The following TCF4 variants were observed in gnomAD, a reference collection of about 807,000 sequenced individuals.
TCF4 encodes the protein transcription factor 4.
TCF4 carries 3 observed loss-of-function variants against 82.1 expected under a neutral mutation model. That is an observed-to-expected ratio of 0.04 (90% CI 0.02 to 0.09). The LOEUF is 0.09. TCF4 is among the 10% of genes least tolerant of loss of function. The pLI is 1.00. For synonymous variants in TCF4, 276 were observed against 309.6 expected, an observed-to-expected ratio of 0.89 and a Z score of 1.14; for missense variants, 518 against 852.7, an observed-to-expected ratio of 0.61 and a Z score of 4.89.
chr18:55,351,345 A>G (rs2082270496), intron 6 of TCF4: 1 of 273,092 alleles, frequency 3.7e-6, no homozygotes, highest in African/African-American at 2.3e-5. Context: ...ATATCTGGGA[A>G]CTATTCATCC....
intron 3 of TCF4, among the ~76,000 whole-genome samples, chr18:55,489,920 C>T (rs1687499907): frequency 6.6e-6 from 1 of 152,196 alleles, no homozygotes; most frequent in South Asian, 2.1e-4. Context: ...TCAATCAGAC[C>T]ACATTCAAAG....
chr18:55,516,101 G>A (rs1208039653), intron 3 of TCF4, among the ~76,000 whole-genome samples: 3 of 152,160 alleles, frequency 2.0e-5, no homozygotes, highest in Non-Finnish European at 2.9e-5. Context: ...AAAGGTGTGT[G>A]TAACAGCGAT....
At position 55,295,813 on chromosome 18, in the gene TCF4, C is replaced by T. The variant is rs2066351767; in HGVS notation, c.550-16157G>A. Among the ~76,000 whole-genome samples the T allele has an allele frequency of 3.3e-5, 5 of 152,254 alleles. No homozygotes were observed. The South Asian group carries it at 1.0e-3, about 32-fold the overall frequency. ...CTCACCCCTGCTTCCAGTTATAACC[C>T]TTGCATTTTGCCAGCTTAATTCCCA... On this transcript the variant is annotated intron_variant, in intron 8 of 19. Coordinates refer to ENST00000354452, the MANE Select transcript of TCF4 (RefSeq NM_001083962.2).
intron 6 of TCF4, among the ~76,000 whole-genome samples, chr18:55,371,302 G>A (rs1445849897): frequency 2.0e-5 from 3 of 152,198 alleles, no homozygotes; most frequent in African/African-American, 4.8e-5. Flanking sequence ...TAATCTGGAT[G>A]AGGGGGCCAT....
intron 3 of TCF4, among the ~76,000 whole-genome samples, chr18:55,489,231 G>A (rs2096550063): frequency 6.6e-6 from 1 of 152,134 alleles, no homozygotes; most frequent in South Asian, 2.1e-4. Context: ...ACATATTCCT[G>A]GGTAGCTCCA....
At chr18:55,286,696 A>C (rs1235564347) in intron 8 of TCF4, among the ~76,000 whole-genome samples, 1 of 152,242 alleles carries the variant, frequency 6.6e-6, no homozygotes, top group Non-Finnish European at 1.5e-5. Context: ...GCAAACAACC[A>C]AAAACCAAAC....
chr18:55,317,057 G>A (rs1268173521), intron 8 of TCF4, among the ~76,000 whole-genome samples: 3 of 151,966 alleles, frequency 2.0e-5, no homozygotes, highest in African/African-American at 7.2e-5. Context: ...TAGCCACAAT[G>A]TCAAGATTAA....
rs2097645728 is a variant in TCF4 at position 55,586,153 on chromosome 18, G to GAGCAGGAGC, written c.73-802_73-801insGCTCCTGCT. 3.7e-5 allele frequency: 26 copies of GAGCAGGAGC among 708,136 alleles called. No individual in the cohort carries two copies. In the South Asian group the frequency reaches 4.4e-4, roughly 12 times the overall value. The allele number at this position is 708,136 out of a possible 1,614,324, so 43.9% of individuals were successfully genotyped here. On this transcript the variant is annotated intron_variant, in intron 2 of 19. Coordinates refer to ENST00000354452, the MANE Select transcript of TCF4 (RefSeq NM_001083962.2). ...GGAGGAGAAGGAGGAGGAGGAGGAGGAGCAGCAGCAGCAGCAGCAGCAGCA... is the reference window on the plus strand; with the variant it reads ...GGAGGAGAAGGAGGAGGAGGAGGAGGAGCAGGAGCAGCAGCAGCAGCAGCAGCAGCAGCA...
chr18:55,234,044 T>A (rs529870565), intron 16 of TCF4, among the ~76,000 whole-genome samples: 35 of 152,080 alleles, frequency 2.3e-4, no homozygotes, highest in Admixed American at 3.9e-4. Flanking sequence ...CCCAACTTCC[T>A]GGGGTCATGA....
At chr18:55,277,729 T>C (rs1315420222) in intron 9 of TCF4, among the ~76,000 whole-genome samples, 2 of 152,072 alleles carry the variant, frequency 1.3e-5, no homozygotes, top group Admixed American at 6.6e-5. Flanking sequence ...TCCTGCAATG[T>C]GCACCCTTCC....
chr18:55,347,555 G>C (rs553274882), intron 8 of TCF4, among the ~76,000 whole-genome samples: 1 of 152,194 alleles, frequency 6.6e-6, no homozygotes, highest in South Asian at 2.1e-4. Flanking sequence ...CATGATGTCT[G>C]GCCAGGCCTA....
intron 5 of TCF4, among the ~76,000 whole-genome samples, chr18:55,449,829 A>T: frequency 6.6e-6 from 1 of 152,022 alleles, no homozygotes; most frequent in East Asian, 1.9e-4. Flanking sequence ...CACACTTTCT[A>T]TTTTCATTCA....
chr18:55,380,218 T>A (rs1273351809), intron 6 of TCF4, among the ~76,000 whole-genome samples: 2 of 152,102 alleles, frequency 1.3e-5, no homozygotes, highest in Admixed American at 1.3e-4. Context: ...TCTCGTGGTA[T>A]CCTCACATGG....
chr18:55,438,821 GAGA>G (rs149016738), intron 5 of TCF4, among the ~76,000 whole-genome samples: 4,798 of 152,296 alleles, frequency 0.032, 97 homozygotes, highest in Non-Finnish European at 0.048. Context: ...ATCTGAAGGT[GAGA>G]AGAAGGGACC....
At chr18:55,623,519 T>C (rs1277063901) in intron 2 of TCF4, among the ~76,000 whole-genome samples, 1 of 152,238 alleles carries the variant, frequency 6.6e-6, no homozygotes, top group East Asian at 1.9e-4. Context: ...ATGAATTTTA[T>C]TACATCACAA....
At chr18:55,387,903 G>A (rs1372631637) in intron 6 of TCF4, among the ~76,000 whole-genome samples, 3 of 152,176 alleles carry the variant, frequency 2.0e-5, no homozygotes, top group South Asian at 2.1e-4. Flanking sequence ...GAAAACTTCC[G>A]TGTTACAGGC....
rs548084692 is a variant in TCF4, at chr18:55,535,276, C to T, written c.145+50004G>A. Reference sequence around the variant, plus strand: ...TCATGAGTTAGCAAACTCTTAGCAGCGGACTCAGCCTATGAAGATATAAGG... The same window carrying T: ...TCATGAGTTAGCAAACTCTTAGCAGTGGACTCAGCCTATGAAGATATAAGG... On this transcript the variant is annotated intron_variant, in intron 3 of 19. Transcript: ENST00000354452. 4.1e-4 allele frequency among the ~76,000 whole-genome samples: 62 copies of T among 152,242 alleles called. 1 individual carries two copies. Among genetic ancestry groups the T allele is most frequent in the African/African-American group, 1.4e-3 (59 of 41,544 alleles).
rs1417302870 is a variant in TCF4 at position 55,225,797 on chromosome 18, A to G, written c.*2238T>C. 1 of 152,556 alleles carries G rather than the reference A, an allele frequency of 6.6e-6. No homozygotes were observed. The highest frequency in any genetic ancestry group is 1.5e-5 in the Non-Finnish European group (1 of 67,992). The allele number at this position is 152,556 out of a possible 1,614,324, so 9.5% of individuals were successfully genotyped here. ...TCTCCTAAGGTTTTAATCCACCTCC[A>G]CATTTTAGGAACTTATCAACAAATC... On this transcript the variant is annotated 3_prime_UTR_variant, in exon 20 of 20. Coordinates refer to ENST00000354452, the MANE Select transcript of TCF4 (RefSeq NM_001083962.2).
chr18:55,575,845 A>G (rs1372280814), intron 3 of TCF4, among the ~76,000 whole-genome samples: 1 of 152,188 alleles, frequency 6.6e-6, no homozygotes, highest in African/African-American at 2.4e-5. Context: ...GCCACTTCAC[A>G]ATGTTTTTAC....
Sources: gnomAD v4.1 joint callset for allele counts (sites outside exome capture counted in the v4.1 genomes callset) on GRCh38, gnomAD v4.1.1 for gene constraint, MANE v1.5 for transcripts, NCBI Gene and HGNC (gene_info 2026-07-23, HGNC 2026-07-21) for gene names.